ANOS1: variants seen among roughly 807,000 people sequenced by gnomAD.
The protein encoded by ANOS1 is anosmin 1, also known as anosmin-1.
ANOS1 carries 6 observed loss-of-function variants against 59.0 expected under a neutral mutation model. That is an observed-to-expected ratio of 0.10 (90% CI 0.06 to 0.20). ANOS1 has a LOEUF of 0.20. Ranked by LOEUF, ANOS1 falls within the 10% of genes least tolerant of loss-of-function variation. The pLI is 1.00. For synonymous variants in ANOS1, 217 were observed against 223.4 expected (o/e 0.97, Z 0.25); for missense variants, 433 against 542.3 (o/e 0.80, Z 2.00).
At chrX:8,704,222 T>C (rs1489655332) in intron 1 of ANOS1, among the ~76,000 whole-genome samples, 2 of 111,964 alleles carry the variant, frequency 1.8e-5, no homozygotes, top group Non-Finnish European at 3.8e-5. Flanking sequence ...TCTTTGTAAA[T>C]TACCCAGTCT....
At chrX:8,599,567 T>C (rs1330335726) in intron 3 of ANOS1, among the ~76,000 whole-genome samples, 3 of 112,059 alleles carry the variant, frequency 2.7e-5, no homozygotes, top group Non-Finnish European at 5.6e-5. Context: ...GGGTCATCCC[T>C]ACCATTGCCT....
chrX:8,578,038 T>C (rs1388009682), intron 6 of ANOS1, among the ~76,000 whole-genome samples: 4 of 111,513 alleles, frequency 3.6e-5, no homozygotes, highest in Admixed American at 2.9e-4. Context: ...TGGAGAACAA[T>C]ACCTATTTCA....
At chrX:8,674,455 C>T (rs1222550408) in intron 2 of ANOS1, among the ~76,000 whole-genome samples, 5 of 111,994 alleles carry the variant, frequency 4.5e-5, no homozygotes, top group Non-Finnish European at 9.4e-5. Flanking sequence ...ACAAATGTTA[C>T]CCGTTGAGTG....
chrX:8,558,892 C>T (rs1929988745), intron 8 of ANOS1, among the ~76,000 whole-genome samples: 1 of 111,955 alleles, frequency 8.9e-6, no homozygotes, highest in African/African-American at 3.2e-5. Context: ...TTAAAATATC[C>T]AGTAAATGAA....
At chrX:8,727,455 T>C (rs1463023628) in intron 1 of ANOS1, among the ~76,000 whole-genome samples, 1 of 112,198 alleles carries the variant, frequency 8.9e-6, no homozygotes, top group African/African-American at 3.2e-5. Context: ...AGTAGCATGA[T>C]GGTGTGTTTG....
chrX:8,623,560 T>A, intron 3 of ANOS1, 48 bp downstream of exon 3: 1 of 933,925 alleles, frequency 1.1e-6, no homozygotes, highest in Non-Finnish European at 1.6e-6. Flanking sequence ...CACGTAAGCA[T>A]AGTCAGATTT....
At chrX:8,701,372 C>T (rs1569086240) in intron 1 of ANOS1, among the ~76,000 whole-genome samples, 1 of 112,322 alleles carries the variant, frequency 8.9e-6, no homozygotes, top group Non-Finnish European at 1.9e-5. Flanking sequence ...TTAGAAAATA[C>T]TTTTATAACA....
intron 2 of ANOS1, among the ~76,000 whole-genome samples, chrX:8,667,281 C>G (rs1932159607): frequency 9.3e-6 from 1 of 107,906 alleles, no homozygotes; most frequent in Non-Finnish European, 1.9e-5. Context: ...TTCCATAAAG[C>G]TTTTGTTTGT....
rs775414215 is a variant in ANOS1, at chrX:8,594,429, C to T, written c.541+2605G>A. 5.8e-4 allele frequency among the ~76,000 whole-genome samples: 61 copies of T among 105,917 alleles called. No homozygotes were observed. The Admixed American group carries it at 6.3e-3, about 11-fold the overall frequency. The allele number at this position is 105,917 out of a possible 115,157, so 92.0% of individuals were successfully genotyped here. A position where few individuals can be genotyped will look rare whatever the true frequency, so the allele number is the denominator to read the frequency against. ...TTGTGTACATCAGTCCCCCTCTCCT[C>T]TTTTGAGAGTGAAGAAGCAGCTGGA... On this transcript the variant is annotated intron_variant, in intron 4 of 13. Transcript: ENST00000262648.
intron 2 of ANOS1, among the ~76,000 whole-genome samples, chrX:8,693,733 A>ATTT (rs35989320): frequency 2.0e-4 from 15 of 75,321 alleles, no homozygotes; most frequent in South Asian, 6.2e-4. Context: ...TATTGCATGA[A>ATTT]TTTTTTTTTT....
intron 2 of ANOS1, among the ~76,000 whole-genome samples, chrX:8,655,773 A>G (rs182413478): frequency 1.5e-3 from 166 of 112,484 alleles, no homozygotes; most frequent in African/African-American, 5.2e-3. Context: ...TCTGGAAATA[A>G]TCTGAGATCC....
At chrX:8,582,378 A>G (rs777178241) in intron 6 of ANOS1, among the ~76,000 whole-genome samples, 2 of 112,107 alleles carry the variant, frequency 1.8e-5, no homozygotes, top group East Asian at 5.6e-4. Flanking sequence ...GACCAGGTAA[A>G]TGCCAATATC....
chrX:8,558,226 C>T (rs1488599316), intron 8 of ANOS1, among the ~76,000 whole-genome samples: 7 of 110,889 alleles, frequency 6.3e-5, no homozygotes, highest in Non-Finnish European at 1.3e-4. Flanking sequence ...ATGTAGATGA[C>T]GAGTTGATGG....
intron 6 of ANOS1, among the ~76,000 whole-genome samples, chrX:8,584,496 TTAAAA>T (rs998949853): frequency 1.8e-5 from 2 of 112,102 alleles, no homozygotes; most frequent in African/African-American, 6.5e-5. Flanking sequence ...ATAAATTTAC[TTAAAA>T]TAAAATAAAT....
intron 2 of ANOS1, among the ~76,000 whole-genome samples, chrX:8,685,652 GAA>G (rs1268823896): frequency 0.014 from 1,410 of 97,367 alleles, 19 homozygotes; most frequent in Non-Finnish European, 0.019. Context: ...AAGAAAGAAA[GAA>G]AGAAAAAGAA....
chrX:8,560,230 A>C (rs1601953920), intron 8 of ANOS1, among the ~76,000 whole-genome samples: 1 of 111,089 alleles, frequency 9.0e-6, no homozygotes, highest in Admixed American at 9.6e-5. Context: ...GAGCCCCCTA[A>C]GTAGTTAGCA....
intron 2 of ANOS1, among the ~76,000 whole-genome samples, chrX:8,635,151 G>A (rs764966858): frequency 1.8e-5 from 2 of 110,578 alleles, no homozygotes; most frequent in South Asian, 3.9e-4. Flanking sequence ...CACAGGAAAC[G>A]AGGTCACTCA....
At chrX:8,723,474 A>G (rs1647864043) in intron 1 of ANOS1, among the ~76,000 whole-genome samples, 1 of 112,413 alleles carries the variant, frequency 8.9e-6, no homozygotes, top group Admixed American at 9.4e-5. Context: ...GCTCAACATC[A>G]CTAGTGATCA....
chrX:8,642,216 G>A (rs553569248), intron 2 of ANOS1, among the ~76,000 whole-genome samples: 2 of 111,794 alleles, frequency 1.8e-5, no homozygotes, highest in Non-Finnish European at 3.8e-5. Flanking sequence ...CAGCATCAAT[G>A]GGCCTTTATA....
Sources: gnomAD v4.1 joint callset for allele counts (sites outside exome capture counted in the v4.1 genomes callset) on GRCh38, gnomAD v4.1.1 for gene constraint, MANE v1.5 for transcripts, NCBI Gene and HGNC (gene_info 2026-07-23, HGNC 2026-07-21) for gene names.